CNTN5: variants seen among roughly 807,000 people sequenced by gnomAD.
CNTN5 encodes the protein contactin-5.
In CNTN5, 77 loss-of-function variants were observed where a neutral mutation model predicts 129.1. The observed-to-expected ratio is 0.60, with a 90% CI of 0.50 to 0.72. The LOEUF (loss-of-function observed/expected upper bound fraction) is 0.72. Among genes scored for constraint, CNTN5 ranks in the 30% least tolerant of loss-of-function variants. CNTN5 has a pLI of 0.00. For missense variants in CNTN5, 1,478 were observed against 1,328.8 expected (o/e 1.11, Z -1.75); for synonymous variants, 509 against 465.6 (o/e 1.09, Z -1.20).
At chr11:99,023,067 G>T (rs1030665652) in intron 1 of CNTN5, among the ~76,000 whole-genome samples, 1 of 152,196 alleles carries the variant, frequency 6.6e-6, no homozygotes, top group South Asian at 2.1e-4. Context: ...CATCCAAAAA[G>T]CTACAGTTGT....
chr11:99,989,638 A>G (rs2137404201), intron 8 of CNTN5, among the ~76,000 whole-genome samples: 1 of 152,306 alleles, frequency 6.6e-6, no homozygotes, highest in Middle Eastern at 3.4e-3. Context: ...AATTACAGAG[A>G]ATTTTCTATC....
chr11:100,166,613 A>T (rs970073792), intron 13 of CNTN5, among the ~76,000 whole-genome samples: 5 of 151,606 alleles, frequency 3.3e-5, no homozygotes, highest in African/African-American at 1.2e-4. Flanking sequence ...TTAAGAAGAA[A>T]TGTTATAAGA....
chr11:100,190,012 C>T (rs967596301), intron 13 of CNTN5, among the ~76,000 whole-genome samples: 7 of 151,646 alleles, frequency 4.6e-5, no homozygotes, highest in Non-Finnish European at 8.8e-5. Context: ...TCAATTGTTA[C>T]GAAGTTCAAT....
chr11:99,171,174 A>T (rs1052747808), intron 1 of CNTN5, among the ~76,000 whole-genome samples: 1 of 152,142 alleles, frequency 6.6e-6, no homozygotes, highest in African/African-American at 2.4e-5. Context: ...TTATACTTGA[A>T]TGCTTAACTT....
chr11:99,646,460 G>A (rs1951965641), intron 3 of CNTN5, among the ~76,000 whole-genome samples: 1 of 152,142 alleles, frequency 6.6e-6, no homozygotes, highest in Admixed American at 6.6e-5. Flanking sequence ...AATATTCAAT[G>A]TAAGGGCCAA....
intron 1 of CNTN5, among the ~76,000 whole-genome samples, chr11:99,204,062 AT>A (rs1324285769): frequency 6.6e-6 from 1 of 152,202 alleles, no homozygotes; most frequent in Non-Finnish European, 1.5e-5. Context: ...GACATTTTTA[AT>A]TTTAAAAGTT....
chr11:100,071,655 C>T (rs764167848), intron 11 of CNTN5, 50 bp from the exon 12 acceptor site: 9 of 1,414,492 alleles, frequency 6.4e-6, no homozygotes, highest in Non-Finnish European at 6.7e-6. Flanking sequence ...CCCATAAAAT[C>T]CATGTTATTT....
chr11:99,155,908 A>G (rs1475058427), intron 1 of CNTN5, among the ~76,000 whole-genome samples: 1 of 152,198 alleles, frequency 6.6e-6, no homozygotes, highest in Non-Finnish European at 1.5e-5. Flanking sequence ...AAAGAGGAAG[A>G]ACGACTATAT....
At chr11:99,553,102 C>A (rs921166810) in intron 2 of CNTN5, among the ~76,000 whole-genome samples, 2 of 151,948 alleles carry the variant, frequency 1.3e-5, no homozygotes, top group African/African-American at 4.8e-5. Flanking sequence ...AGGAAAATGC[C>A]AAGAAATGGG....
rs944348163 is a variant in CNTN5 at position 99,354,304 on chromosome 11, C to T, written c.-71+28820C>T. 8.5e-5 allele frequency among the ~76,000 whole-genome samples: 13 copies of T among 152,112 alleles called. No individual in the cohort carries two copies. In the East Asian group the frequency reaches 2.5e-3, roughly 29 times the overall value. On this transcript the variant is annotated intron_variant, in intron 2 of 24. Transcript: ENST00000524871. ...ACCTGTGAAATATAGTGATATGCTG[C>T]CAATCATCATTTGACCTTAGAATAG...
chr11:99,030,884 C>T (rs1439956323), intron 1 of CNTN5, among the ~76,000 whole-genome samples: 2 of 151,648 alleles, frequency 1.3e-5, no homozygotes, highest in Non-Finnish European at 2.9e-5. Context: ...GGGTTCACGC[C>T]ATTCTGCTGC....
At chr11:100,294,740 G>C (rs1405878850) in intron 18 of CNTN5, among the ~76,000 whole-genome samples, 1 of 151,634 alleles carries the variant, frequency 6.6e-6, no homozygotes, top group South Asian at 2.1e-4. Context: ...TGTGCTTCTA[G>C]CAAGAATTAT....
At chr11:99,507,732 A>G (rs1946680710) in intron 2 of CNTN5, among the ~76,000 whole-genome samples, 1 of 152,198 alleles carries the variant, frequency 6.6e-6, no homozygotes. Context: ...GTGTGACTCA[A>G]CTTTTCACGT....
chr11:99,711,381 T>C (rs1214388725), intron 3 of CNTN5, among the ~76,000 whole-genome samples: 1 of 151,966 alleles, frequency 6.6e-6, no homozygotes, highest in Non-Finnish European at 1.5e-5. Context: ...AACTTACTTT[T>C]ACTTAGAATT....
chr11:99,394,850 C>G (rs1200406131), intron 2 of CNTN5, among the ~76,000 whole-genome samples: 1 of 151,804 alleles, frequency 6.6e-6, no homozygotes, highest in Non-Finnish European at 1.5e-5. Flanking sequence ...CAGCTCCATC[C>G]ATGTCCCTAC....
chr11:99,829,217 T>C (rs557499936), intron 4 of CNTN5, among the ~76,000 whole-genome samples: 22 of 152,308 alleles, frequency 1.4e-4, no homozygotes, highest in Non-Finnish European at 2.2e-4. Context: ...TTAAAAATAT[T>C]TGGATAGAGG....
chr11:100,001,777 G>A (rs572513925), intron 8 of CNTN5, among the ~76,000 whole-genome samples: 1 of 152,292 alleles, frequency 6.6e-6, no homozygotes, highest in African/African-American at 2.4e-5. Context: ...TACTACTAAT[G>A]TTGATTAACA....
intron 6 of CNTN5, among the ~76,000 whole-genome samples, chr11:99,904,876 G>A (rs910315069): frequency 1.8e-4 from 27 of 151,876 alleles, no homozygotes; most frequent in Admixed American, 7.9e-4. Flanking sequence ...TTTGATTTGC[G>A]TTTCTCTAAT....
chr11:99,128,973 T>C (rs1014024675), intron 1 of CNTN5, among the ~76,000 whole-genome samples: 2 of 151,936 alleles, frequency 1.3e-5, no homozygotes, highest in Non-Finnish European at 2.9e-5. Context: ...GCCTCCAAGA[T>C]TAAAGATAGA....
Sources: allele counts gnomAD v4.1 joint callset (sites outside exome capture counted in the v4.1 genomes callset), GRCh38; gene constraint gnomAD v4.1.1; transcripts MANE v1.5; gene names NCBI Gene and HGNC (gene_info 2026-07-23, HGNC 2026-07-21).